The following SHISA6 variants were observed in gnomAD, a reference collection of about 807,000 sequenced individuals.
SHISA6 encodes protein shisa-6.
SHISA6 carries 22 observed loss-of-function variants against 47.9 expected under a neutral mutation model. The observed-to-expected ratio is 0.46, with a 90% CI of 0.33 to 0.66. The LOEUF is 0.66. Ranked by LOEUF, SHISA6 falls within the 30% of genes least tolerant of loss-of-function variation. The pLI, the probability that SHISA6 is intolerant of heterozygous loss-of-function variation, is 0.02. For missense variants in SHISA6, 680 were observed against 764.6 expected (o/e 0.89, Z 1.30); for synonymous variants, 388 against 337.8 (o/e 1.15, Z -1.63).
At chr17:11,452,297 T>C (rs1036537790) in intron 3 of SHISA6, among the ~76,000 whole-genome samples, 1 of 152,182 alleles carries the variant, frequency 6.6e-6, no homozygotes, top group African/African-American at 2.4e-5. Flanking sequence ...ACAATCCTCA[T>C]GGTTGTGTTT....
chr17:11,555,173 C>T (rs1298845881), intron 4 of SHISA6, among the ~76,000 whole-genome samples: 1 of 151,972 alleles, frequency 6.6e-6, no homozygotes, highest in Non-Finnish European at 1.5e-5. Context: ...TGTGGCTTGT[C>T]AGGTGCAGAG....
intron 2 of SHISA6, among the ~76,000 whole-genome samples, chr17:11,268,548 T>G (rs1450771240): frequency 6.6e-6 from 1 of 152,214 alleles, no homozygotes; most frequent in Non-Finnish European, 1.5e-5. Context: ...AGGTATTTGT[T>G]TTGTGGAATC....
At chr17:11,278,772 T>C (rs1909019128) in intron 2 of SHISA6, among the ~76,000 whole-genome samples, 1 of 152,204 alleles carries the variant, frequency 6.6e-6, no homozygotes, top group South Asian at 2.1e-4. Flanking sequence ...AGCTTAGGGA[T>C]TTATCACCGT....
intron 2 of SHISA6, among the ~76,000 whole-genome samples, chr17:11,358,806 G>A (rs375891789): frequency 2.5e-3 from 386 of 151,674 alleles, no homozygotes; most frequent in Non-Finnish European, 4.2e-3. Flanking sequence ...CAAGTAGCTG[G>A]GACTACAGAT....
chr17:11,477,422 AC>A (rs1916079138), intron 3 of SHISA6, among the ~76,000 whole-genome samples: 1 of 152,066 alleles, frequency 6.6e-6, no homozygotes, highest in Middle Eastern at 3.4e-3. Flanking sequence ...CAGTTAAACT[AC>A]TTTTTTTTAT....
At chr17:11,471,638 C>T (rs748279119) in intron 3 of SHISA6, among the ~76,000 whole-genome samples, 5 of 152,184 alleles carry the variant, frequency 3.3e-5, no homozygotes, top group African/African-American at 1.2e-4. Flanking sequence ...CTGTCATCTA[C>T]TACAGTCAGT....
chr17:11,367,600 G>A (rs1912498755), intron 2 of SHISA6, among the ~76,000 whole-genome samples: 1 of 152,318 alleles, frequency 6.6e-6, no homozygotes, highest in African/African-American at 2.4e-5. Flanking sequence ...GGCAGTCACA[G>A]TGATATTGGT....
intron 3 of SHISA6, among the ~76,000 whole-genome samples, chr17:11,462,653 C>T (rs778366241): frequency 3.9e-5 from 6 of 152,016 alleles, no homozygotes; most frequent in Admixed American, 6.6e-5. Flanking sequence ...CAGGGTCTCA[C>T]TCTGTTGCCC....
chr17:11,317,789 G>C (rs187317051), intron 2 of SHISA6, among the ~76,000 whole-genome samples: 12 of 151,600 alleles, frequency 7.9e-5, no homozygotes, highest in Non-Finnish European at 1.6e-4. Context: ...CAAATTCTAT[G>C]AGTGTTTATA....
In SHISA6 at chr17:11,559,440, G is replaced by A. The variant is rs2072018144; in HGVS notation, c.*1136G>A. On this transcript the variant is annotated 3_prime_UTR_variant, in exon 6 of 6. Coordinates refer to ENST00000441885, the MANE Select transcript of SHISA6 (RefSeq NM_207386.4). This position sits in a 1 kb window ranked among gnomAD's most constrained non-coding sequence, Gnocchi z 4.4. ...TTTTCAGCCCCCAGACAAGGAGGATGAGAGGTGGTTGTCCTGCATCCTCTC... is the reference window on the plus strand; with the variant it reads ...TTTTCAGCCCCCAGACAAGGAGGATAAGAGGTGGTTGTCCTGCATCCTCTC... 6.6e-6 allele frequency: 1 copy of A among 152,432 alleles called. No individual in the cohort carries two copies. The highest frequency in any genetic ancestry group is 1.5e-5 in the Non-Finnish European group (1 of 68,226). 9.4% of individuals were successfully genotyped at this position (152,432 alleles called of 1,614,324 possible). A position where few individuals can be genotyped will look rare whatever the true frequency, so the allele number is the denominator to read the frequency against.
At chr17:11,501,667 G>C (rs1289977275) in intron 3 of SHISA6, among the ~76,000 whole-genome samples, 1 of 152,098 alleles carries the variant, frequency 6.6e-6, no homozygotes, top group East Asian at 1.9e-4. Context: ...CCACAAAGTG[G>C]TGCTTCTTGA....
chr17:11,552,234 C>T (rs1391908912), intron 4 of SHISA6, among the ~76,000 whole-genome samples: 1 of 152,230 alleles, frequency 6.6e-6, no homozygotes, highest in African/African-American at 2.4e-5. Flanking sequence ...TCACTTCTTA[C>T]AGTCATAAAT....
intron 2 of SHISA6, among the ~76,000 whole-genome samples, chr17:11,335,027 G>T (rs1911270621): frequency 6.6e-6 from 1 of 152,096 alleles, no homozygotes; most frequent in Non-Finnish European, 1.5e-5. Flanking sequence ...CTTATTCAGT[G>T]GCTATTGACA....
chr17:11,397,997 T>C (rs998114752), intron 3 of SHISA6, among the ~76,000 whole-genome samples: 2 of 152,186 alleles, frequency 1.3e-5, no homozygotes, highest in African/African-American at 4.8e-5. Flanking sequence ...CTGGTTGTTT[T>C]TAATTTTTGA....
At chr17:11,287,212 AAAAGAAAG>A (rs566434392) in intron 2 of SHISA6, among the ~76,000 whole-genome samples, 3 of 150,284 alleles carry the variant, frequency 2.0e-5, no homozygotes, top group Non-Finnish European at 3.0e-5. Flanking sequence ...GTGTGTAATG[AAAAGAAAG>A]AAAGAAAGAA....
At chr17:11,468,375 G>A (rs1915860259) in intron 3 of SHISA6, among the ~76,000 whole-genome samples, 1 of 151,916 alleles carries the variant, frequency 6.6e-6, no homozygotes, top group Non-Finnish European at 1.5e-5. Context: ...TTGTAAGCAA[G>A]CAGGGACGGA....
At chr17:11,310,703 G>A (rs1018301647) in intron 2 of SHISA6, among the ~76,000 whole-genome samples, 6 of 151,894 alleles carry the variant, frequency 4.0e-5, no homozygotes, top group African/African-American at 9.7e-5. Context: ...GGCTGGGCGC[G>A]GTGGCTCATG....
intron 3 of SHISA6, chr17:11,380,483 A>G (rs930726079): frequency 4.6e-5 from 7 of 152,148 alleles, no homozygotes; most frequent in African/African-American, 1.7e-4. Context: ...TGTGGCTACT[A>G]AGAGTTGCAG....
At position 11,241,551 on chromosome 17, in the gene SHISA6, G is replaced by T. The variant is rs1431900243; in HGVS notation, c.129G>T (p.Gly43=). The T allele has an allele frequency of 1.8e-6, 2 of 1,083,588 alleles. No individual in the cohort carries two copies. The highest frequency in any genetic ancestry group is 3.4e-5 in the African/African-American group (2 of 58,900). The allele number at this position is 1,083,588 out of a possible 1,614,324, so 67.1% of individuals were successfully genotyped here. The change falls in exon 1 of 6, where the codon GGG becomes GGT. Residue 43 remains glycine, a synonymous_variant. Coordinates refer to ENST00000441885, the MANE Select transcript of SHISA6 (RefSeq NM_207386.4). This position sits in a 1 kb window ranked among gnomAD's most constrained non-coding sequence, Gnocchi z 5.5. The part of the protein sequence containing the change: ...RTLSAGGAAV[G]GRRAGGALAR... ...TGAGTGCAGGCGGCGCTGCCGTCGG[G>T]GGCCGGAGGGCCGGGGGCGCCCTGG...
Sources: gnomAD v4.1 joint callset for allele counts (sites outside exome capture counted in the v4.1 genomes callset) on GRCh38, gnomAD v4.1.1 for gene constraint, Gnocchi (gnomAD v3.1) non-coding constraint, MANE v1.5 for transcripts, NCBI Gene and HGNC (gene_info 2026-07-23, HGNC 2026-07-21) for gene names.